NCKAP1: variants seen among roughly 807,000 people sequenced by gnomAD.
The protein encoded by NCKAP1 is NCK associated protein 1, also known as nck-associated protein 1.
In NCKAP1, 21 loss-of-function variants were observed where a neutral mutation model predicts 151.2. That is an observed-to-expected ratio of 0.14 (90% CI 0.10 to 0.20). The LOEUF is 0.20. Ranked by LOEUF, NCKAP1 falls within the 10% of genes least tolerant of loss-of-function variation. The probability of loss-of-function intolerance (pLI) is 1.00; values close to 1 mark genes in which losing one functional copy is unlikely to be tolerated. For missense variants in NCKAP1, 933 were observed against 1,352.1 expected, an observed-to-expected ratio of 0.69 and a Z score of 4.86; for synonymous variants, 484 against 451.8, an observed-to-expected ratio of 1.07 and a Z score of -0.90.
intron 4 of NCKAP1, among the ~76,000 whole-genome samples, chr2:183,002,627 C>T (rs1235847682): frequency 6.6e-6 from 1 of 151,654 alleles, no homozygotes; most frequent in Non-Finnish European, 1.5e-5. Context: ...AGACAATTTT[C>T]ACTTTGACTT....
chr2:182,974,259 T>TAAAAAAA (rs1173365320), intron 15 of NCKAP1, among the ~76,000 whole-genome samples: 2 of 63,276 alleles, frequency 3.2e-5, no homozygotes, highest in African/African-American at 5.9e-5. Flanking sequence ...CTGTTGTCAC[T>TAAAAAAA]AAAAAAAAAA....
intron 24 of NCKAP1, 128 bp downstream of exon 24, chr2:182,941,942 C>T (rs1328406433): frequency 1.0e-5 from 7 of 675,578 alleles, no homozygotes; most frequent in African/African-American, 1.8e-5. Context: ...TGTTCTAGTT[C>T]TCTTCATAAG....
intron 11 of NCKAP1, 52 bp downstream of exon 11, chr2:182,983,234 T>C: frequency 7.1e-7 from 1 of 1,418,140 alleles, no homozygotes; most frequent in Non-Finnish European, 9.7e-7. Flanking sequence ...TAGAAACGTT[T>C]TTTAAAATTT....
chr2:183,000,169 G>A (rs1224291860), intron 6 of NCKAP1, among the ~76,000 whole-genome samples: 2 of 152,012 alleles, frequency 1.3e-5, no homozygotes, highest in Non-Finnish European at 2.9e-5. Flanking sequence ...ACAAACCCTG[G>A]CAAATAAAAA....
chr2:182,958,301 G>A lies in NCKAP1; in HGVS notation c.1882-705C>T, dbSNP rs532722657. On this transcript the variant is annotated intron_variant, in intron 18 of 30. Coordinates refer to ENST00000361354, the MANE Select transcript of NCKAP1 (RefSeq NM_013436.5). ...CTACAGTCGACTGCCACCACACCCA[G>A]CTAATTTTATTTGTATATTTTTAGT... 2.6e-5 allele frequency among the ~76,000 whole-genome samples: 4 copies of A among 152,244 alleles called. No individual in the cohort carries two copies. In the South Asian group the frequency reaches 8.3e-4, roughly 32 times the overall value.
rs1698114370 is a variant in NCKAP1, at chr2:182,989,114, T to A, written c.863A>T (p.Gln288Leu). 7.4e-6 allele frequency: 12 copies of A among 1,613,788 alleles called. No individual in the cohort carries two copies. The highest frequency in any genetic ancestry group is 1.3e-5 in the African/African-American group (1 of 75,064). ...AAAGAGAGAGAGGCAAGAGCTACTT[T>A]GAAGAGCTAGTTTCCAAAGGTTCAG... The part of the protein sequence containing the change: ...TALNLWKLAL[Q>L]SSSCLSLFRD... Residue 288 changes from glutamine (Q) to leucine (L), a missense_variant, in exon 9 of 31, where the codon CAA becomes CTA. By Grantham distance (113) the Gln-to-Leu change is moderately radical (BLOSUM62 -2). Transcript: ENST00000361354.
chr2:182,941,434 T>C (rs1364675355), intron 24 of NCKAP1, among the ~76,000 whole-genome samples: 1 of 152,206 alleles, frequency 6.6e-6, no homozygotes, highest in African/African-American at 2.4e-5. Context: ...TACTGATCAC[T>C]TAACAACATG....
chr2:183,037,700 C>G (rs987038423), intron 1 of NCKAP1, among the ~76,000 whole-genome samples: 2 of 152,192 alleles, frequency 1.3e-5, no homozygotes, highest in Non-Finnish European at 2.9e-5. Flanking sequence ...GGGGACAGCT[C>G]CCGGCTCCCA....
intron 13 of NCKAP1, among the ~76,000 whole-genome samples, chr2:182,979,724 C>T (rs1001244224): frequency 1.3e-5 from 2 of 152,080 alleles, no homozygotes; most frequent in African/African-American, 4.8e-5. Flanking sequence ...TGTGAATATA[C>T]TTTGCAACAG....
At position 183,034,382 on chromosome 2, in the gene NCKAP1, G is replaced by GT. The variant is rs71405501; in HGVS notation, c.108+3609dup. Among the ~76,000 whole-genome samples the GT allele has an allele frequency of 8.0e-3, 1,182 of 148,020 alleles. 17 individuals carry two copies. Among genetic ancestry groups the GT allele is most frequent in the African/African-American group, 0.026 (1,055 of 40,218 alleles). On this transcript the variant is annotated intron_variant, in intron 1 of 30. Coordinates refer to ENST00000361354, the MANE Select transcript of NCKAP1 (RefSeq NM_013436.5). ...TAAAAAGTTTGTAATAGTTGTATGG[G>GT]TTTTTTTTTTTTTCTCATTCTCTGA... is the stretch of plus-strand genomic sequence containing the variant.
intron 25 of NCKAP1, 138 bp downstream of exon 25, chr2:182,935,155 T>C: frequency 1.5e-6 from 1 of 672,566 alleles, no homozygotes; most frequent in Non-Finnish European, 2.4e-6. Context: ...ATTTTATGTA[T>C]GTTATTTTCT....
At chr2:183,009,322 C>G (rs1158109785) in intron 2 of NCKAP1, among the ~76,000 whole-genome samples, 1 of 146,646 alleles carries the variant, frequency 6.8e-6, no homozygotes, top group African/African-American at 2.5e-5. Flanking sequence ...CTGCAGTGAG[C>G]CAAGATTGTG....
intron 16 of NCKAP1, among the ~76,000 whole-genome samples, chr2:182,965,975 C>T (rs1452187652): frequency 6.6e-6 from 1 of 152,118 alleles, no homozygotes; most frequent in Non-Finnish European, 1.5e-5. Flanking sequence ...GGTTTCTCTA[C>T]CTGGTGATTT....
rs866519184 is a variant in NCKAP1 at position 182,924,060 on chromosome 2, T to A, written c.*1642A>T. 6.6e-6 allele frequency: 1 copy of A among 152,314 alleles called. No individual in the cohort carries two copies. Among genetic ancestry groups the A allele is most frequent in the Middle Eastern group, 3.4e-3 (1 of 294 alleles). The allele number at this position is 152,314 out of a possible 1,614,324, so 9.4% of individuals were successfully genotyped here. ...ATATTTCAAAACAAACGGCATTAAATCTTAGTTTTGACTGCTCACTGTGTA... is the reference window on the plus strand; with the variant it reads ...ATATTTCAAAACAAACGGCATTAAAACTTAGTTTTGACTGCTCACTGTGTA... On this transcript the variant is annotated 3_prime_UTR_variant, in exon 31 of 31. Coordinates refer to ENST00000361354, the MANE Select transcript of NCKAP1 (RefSeq NM_013436.5).
intron 12 of NCKAP1, 38 bp downstream of exon 12, chr2:182,982,781 CTA>C (rs778443294): frequency 7.6e-7 from 1 of 1,322,254 alleles, no homozygotes; most frequent in East Asian, 2.4e-5. Context: ...CAAGAAGCAT[CTA>C]TATACAGAAA....
intron 24 of NCKAP1, among the ~76,000 whole-genome samples, chr2:182,941,816 T>C (rs1391857745): frequency 6.6e-6 from 1 of 152,170 alleles, no homozygotes; most frequent in Non-Finnish European, 1.5e-5. Context: ...CAAAACCAAA[T>C]TGATACTGGT....
At chr2:182,961,511 T>C (rs1038956404) in intron 18 of NCKAP1, among the ~76,000 whole-genome samples, 3 of 152,002 alleles carry the variant, frequency 2.0e-5, no homozygotes, top group African/African-American at 4.8e-5. Flanking sequence ...TTCTCACTCA[T>C]AGGTGGGAAT....
rs1698519067 is a variant in NCKAP1, at chr2:183,008,259, T to TA, written c.220-4935dup. Among the ~76,000 whole-genome samples the TA allele has an allele frequency of 3.3e-5, 5 of 152,230 alleles. No individual in the cohort carries two copies. In the South Asian group the frequency reaches 1.0e-3, roughly 32 times the overall value. On this transcript the variant is annotated intron_variant, in intron 2 of 30. Coordinates refer to ENST00000361354, the MANE Select transcript of NCKAP1 (RefSeq NM_013436.5). The stretch of plus-strand genomic sequence containing the variant: ...AACATTTTAAAGCAACACACTACCC[T>TA]AAAAAAACTGATTCCACTGATGTTA...
At chr2:182,933,551 G>A (rs745640491) in intron 26 of NCKAP1, among the ~76,000 whole-genome samples, 16 of 151,818 alleles carry the variant, frequency 1.1e-4, no homozygotes, top group Non-Finnish European at 2.1e-4. Flanking sequence ...GCACTGTCAC[G>A]CCTGGCTAAT....
Sources: allele counts gnomAD v4.1 joint callset (sites outside exome capture counted in the v4.1 genomes callset), GRCh38; gene constraint gnomAD v4.1.1; transcripts MANE v1.5; gene names NCBI Gene and HGNC (gene_info 2026-07-23, HGNC 2026-07-21).